EYS: variants seen among roughly 807,000 people sequenced by gnomAD.
The protein encoded by EYS is protein eyes shut homolog.
In EYS, 250 loss-of-function variants were observed where a neutral mutation model predicts 282.1. The ratio of observed to expected loss-of-function variants is 0.89; its 90% CI spans 0.80 to 0.98. The LOEUF is 0.98. Ranked by LOEUF, EYS falls within the 50% of genes least tolerant of loss-of-function variation. The probability of loss-of-function intolerance (pLI) is 0.00; values close to 1 mark genes in which losing one functional copy is unlikely to be tolerated. For synonymous variants in EYS, 1,355 were observed against 1,282.9 expected (o/e 1.06, Z -1.20); for missense variants, 4,016 against 3,709.0 (o/e 1.08, Z -2.15).
At chr6:63,863,664 TTTTCTTTTTTC>T (rs770835761) in intron 36 of EYS, among the ~76,000 whole-genome samples, 17,925 of 67,330 alleles carry the variant, frequency 0.27, 2,258 homozygotes, top group East Asian at 0.31. Context: ...TTTTCTTTTC[TTTTCTTTTTTC>T]TTTTTTTTTT....
chr6:63,877,273 TCC>T (rs1562073847), intron 35 of EYS, among the ~76,000 whole-genome samples: 9 of 152,184 alleles, frequency 5.9e-5, no homozygotes, highest in Non-Finnish European at 1.2e-4. Flanking sequence ...AACATTCTTT[TCC>T]TTAAGAATGT....
At chr6:63,828,975 A>C (rs778053841) in intron 36 of EYS, among the ~76,000 whole-genome samples, 4 of 152,228 alleles carry the variant, frequency 2.6e-5, no homozygotes, top group Non-Finnish European at 2.9e-5. Flanking sequence ...TACCCACTAC[A>C]GGGTATCTAT....
chr6:63,752,716 C>T (rs369350912), intron 41 of EYS, among the ~76,000 whole-genome samples: 1 of 151,834 alleles, frequency 6.6e-6, no homozygotes, highest in Non-Finnish European at 1.5e-5. Context: ...AGGATGGTCT[C>T]GATCTCCTGA....
At chr6:64,898,772 T>C (rs1421193210) in intron 18 of EYS, among the ~76,000 whole-genome samples, 2 of 147,970 alleles carry the variant, frequency 1.4e-5, no homozygotes, top group Non-Finnish European at 3.0e-5. Flanking sequence ...TACCAACAAA[T>C]GGAAATCAAA....
intron 41 of EYS, among the ~76,000 whole-genome samples, chr6:63,743,511 T>G (rs532632436): frequency 6.6e-6 from 1 of 152,276 alleles, no homozygotes; most frequent in Admixed American, 6.5e-5. Flanking sequence ...TCCTAGGAGA[T>G]TACTCATATC....
At chr6:64,173,730 T>C (rs1764548126) in intron 31 of EYS, among the ~76,000 whole-genome samples, 1 of 152,222 alleles carries the variant, frequency 6.6e-6, no homozygotes. Flanking sequence ...TGTTGCTATA[T>C]GCTTACTTTT....
intron 22 of EYS, among the ~76,000 whole-genome samples, chr6:64,634,206 T>C (rs2149864307): frequency 6.6e-6 from 1 of 152,264 alleles, no homozygotes; most frequent in Non-Finnish European, 1.5e-5. Flanking sequence ...ATGATCTCGA[T>C]CTCTTCACCT....
At position 65,164,928 on chromosome 6, in the gene EYS, T is replaced by G. The variant is rs377337152; in HGVS notation, c.2024-107201A>C. 4.6e-5 allele frequency among the ~76,000 whole-genome samples: 7 copies of G among 151,254 alleles called. No individual in the cohort carries two copies. The South Asian group carries it at 1.2e-3, about 27-fold the overall frequency. On this transcript the variant is annotated intron_variant, in intron 12 of 42. Transcript: ENST00000503581. ...TTATAAGGACACCACTCATTTCAAT[T>G]AGGGGCCACCATAATGATCTCATTT...
At chr6:65,215,184 C>T (rs1275588505) in intron 12 of EYS, among the ~76,000 whole-genome samples, 1 of 152,026 alleles carries the variant, frequency 6.6e-6, no homozygotes, top group Non-Finnish European at 1.5e-5. Context: ...AGTGATTCCA[C>T]TTATGGATCT....
intron 36 of EYS, among the ~76,000 whole-genome samples, chr6:63,816,829 C>T (rs1266017848): frequency 6.6e-6 from 1 of 152,184 alleles, no homozygotes; most frequent in Non-Finnish European, 1.5e-5. Context: ...TCCCACAGAC[C>T]TTTGGTTGCT....
At chr6:65,086,055 A>G (rs1394538715) in intron 12 of EYS, among the ~76,000 whole-genome samples, 14 of 139,828 alleles carry the variant, frequency 1.0e-4, no homozygotes, top group South Asian at 2.2e-4. Flanking sequence ...ATCCTTCTCT[A>G]TTGTCTCATT....
At chr6:64,851,974 G>A (rs1677057078) in intron 19 of EYS, among the ~76,000 whole-genome samples, 1 of 151,992 alleles carries the variant, frequency 6.6e-6, no homozygotes, top group African/African-American at 2.4e-5. Flanking sequence ...AACATAAATT[G>A]AAAGTTTAAA....
intron 31 of EYS, among the ~76,000 whole-genome samples, chr6:64,216,455 T>C (rs1232857274): frequency 6.6e-6 from 1 of 152,198 alleles, no homozygotes; most frequent in Non-Finnish European, 1.5e-5. Flanking sequence ...ATTCCCATTC[T>C]GATAAACACA....
chr6:64,027,708 C>A lies in EYS; in HGVS notation c.6726-28525G>T, dbSNP rs183290959. ...GTCCAATGAGAAACAAGCTGCCCCC[C>A]ATCTATGTCCACTGTGCCGAGGAAA... On this transcript the variant is annotated intron_variant, in intron 33 of 42. Transcript: ENST00000503581. 2.2e-3 allele frequency among the ~76,000 whole-genome samples: 331 copies of A among 152,234 alleles called. 2 individuals are homozygous for A. The highest frequency in any genetic ancestry group is 3.4e-3 in the Non-Finnish European group (233 of 68,022).
At chr6:64,957,422 A>C (rs1379415763) in intron 14 of EYS, among the ~76,000 whole-genome samples, 1 of 152,002 alleles carries the variant, frequency 6.6e-6, no homozygotes, top group South Asian at 2.1e-4. Context: ...TGGTTACCAG[A>C]GGCTGGGAAG....
intron 35 of EYS, among the ~76,000 whole-genome samples, chr6:63,974,553 T>TA (rs1766742553): frequency 6.6e-6 from 1 of 152,050 alleles, no homozygotes; most frequent in South Asian, 2.1e-4. Context: ...TATTATTACC[T>TA]AAGGGTAGAG....
At chr6:65,357,872 G>A (rs770295991) in intron 8 of EYS, among the ~76,000 whole-genome samples, 8 of 151,454 alleles carry the variant, frequency 5.3e-5, no homozygotes, top group Non-Finnish European at 8.9e-5. Context: ...ATTTTTTTTC[G>A]TTTTTGTAAA....
chr6:64,900,640 T>C (rs190833044), intron 18 of EYS, among the ~76,000 whole-genome samples: 1 of 152,314 alleles, frequency 6.6e-6, no homozygotes, highest in Non-Finnish European at 1.5e-5. Context: ...AAGCTCATCA[T>C]CACTGGTCAT....
chr6:65,092,356 C>T (rs144845388), intron 12 of EYS, among the ~76,000 whole-genome samples: 1 of 152,218 alleles, frequency 6.6e-6, no homozygotes, highest in African/African-American at 2.4e-5. Flanking sequence ...TCAGGCATTC[C>T]TAACATTATG....
Sources: gnomAD v4.1 joint callset for allele counts (sites outside exome capture counted in the v4.1 genomes callset) on GRCh38, gnomAD v4.1.1 for gene constraint, MANE v1.5 for transcripts, NCBI Gene and HGNC (gene_info 2026-07-23, HGNC 2026-07-21) for gene names.